FBXL13: variants seen among roughly 807,000 people sequenced by gnomAD.
FBXL13 encodes the protein F-box and leucine-rich repeat protein 13.
In FBXL13, 67 loss-of-function variants were observed where a neutral mutation model predicts 83.6. That is an observed-to-expected ratio of 0.80 (90% CI 0.66 to 0.98). The LOEUF (loss-of-function observed/expected upper bound fraction) is 0.98, where lower values mean the gene tolerates loss of function less well. FBXL13 is among the 50% of genes least tolerant of loss of function. The pLI is 0.00. For missense variants in FBXL13, 822 were observed against 866.5 expected (o/e 0.95, Z 0.64); for synonymous variants, 272 against 299.5 (o/e 0.91, Z 0.95).
At chr7:102,855,285 T>G (rs1246845585) in intron 16 of FBXL13, among the ~76,000 whole-genome samples, 1 of 152,228 alleles carries the variant, frequency 6.6e-6, no homozygotes, top group African/African-American at 2.4e-5. Context: ...CTTTAGCTCA[T>G]TTTATAATGA....
intron 11 of FBXL13, among the ~76,000 whole-genome samples, chr7:102,893,881 AAAAG>A (rs1260123205): frequency 1.3e-5 from 2 of 150,798 alleles, no homozygotes; most frequent in African/African-American, 2.4e-5. Flanking sequence ...GGAAGAAAGA[AAAAG>A]AAAGAGAGGA....
chr7:102,991,755 A>G (rs1298740200), intron 6 of FBXL13, among the ~76,000 whole-genome samples: 1 of 152,222 alleles, frequency 6.6e-6, no homozygotes, highest in Non-Finnish European at 1.5e-5. Context: ...GTAAACTGCT[A>G]AAATAAATTA....
intron 11 of FBXL13, among the ~76,000 whole-genome samples, chr7:102,891,150 G>A (rs1231799188): frequency 2.6e-5 from 4 of 152,142 alleles, no homozygotes; most frequent in African/African-American, 9.7e-5. Flanking sequence ...CAAATACCAT[G>A]TCCTCTATAG....
chr7:102,931,324 T>C (rs975873885), intron 9 of FBXL13, among the ~76,000 whole-genome samples: 5 of 151,942 alleles, frequency 3.3e-5, no homozygotes, highest in African/African-American at 1.2e-4. Flanking sequence ...CAAGGTAGAG[T>C]AATATTAAAG....
At chr7:102,934,302 A>C (rs1260531630) in intron 8 of FBXL13, 8 of 1,614,028 alleles carry the variant, frequency 5.0e-6, no homozygotes, top group Admixed American at 3.3e-5. Flanking sequence ...GGTTTAAACA[A>C]ACTCACCACC....
rs532732713 is a variant in FBXL13, at chr7:102,898,616, A to G, written c.1009-14304T>C. On this transcript the variant is annotated intron_variant, in intron 11 of 19. Coordinates refer to ENST00000313221, the Ensembl canonical transcript of FBXL13. ...ACTTTTCTGTATTATATTTTGGCCA[A>G]ACTTACCCCAAAAAAGTCATTAGGG... Among the ~76,000 whole-genome samples the G allele has an allele frequency of 5.9e-5, 9 of 152,106 alleles. No homozygotes were observed. The South Asian group carries it at 1.9e-3, about 32-fold the overall frequency.
chr7:102,818,204 C>A (rs1412340679), intron 19 of FBXL13, among the ~76,000 whole-genome samples: 1 of 152,200 alleles, frequency 6.6e-6, no homozygotes, highest in East Asian at 1.9e-4. Flanking sequence ...TTAGGCAAAA[C>A]AGAGCACGTG....
chr7:102,825,373 C>A (rs1799446063), intron 18 of FBXL13, among the ~76,000 whole-genome samples: 1 of 152,202 alleles, frequency 6.6e-6, no homozygotes, highest in South Asian at 2.1e-4. Flanking sequence ...AGCCTGTTAA[C>A]ATGCTCATCT....
intron 6 of FBXL13, among the ~76,000 whole-genome samples, chr7:103,015,898 A>C (rs1426611462): frequency 1.3e-5 from 2 of 152,152 alleles, no homozygotes; most frequent in Non-Finnish European, 2.9e-5. Context: ...CATTCACAAT[A>C]GCCACAAAAA....
chr7:102,972,302 T>G (rs1826787815), intron 6 of FBXL13, among the ~76,000 whole-genome samples: 1 of 151,774 alleles, frequency 6.6e-6, no homozygotes, highest in Non-Finnish European at 1.5e-5. Flanking sequence ...TAATCAAGAG[T>G]TAGTGTTCTA....
At chr7:103,052,459 A>T (rs1432835688) in intron 2 of FBXL13, among the ~76,000 whole-genome samples, 1 of 152,092 alleles carries the variant, frequency 6.6e-6, no homozygotes, top group Admixed American at 6.5e-5. Context: ...AAAAAAAAAA[A>T]TTTCATTTTT....
chr7:103,017,899 T>C lies in FBXL13; in HGVS notation c.495+7164A>G, dbSNP rs547691079. ...AGAAGAATCAAGTTGGAAAACACTC[T>C]TTGGGATATTATCCAGGAGAACTTC... On this transcript the variant is annotated intron_variant, in intron 6 of 19. Coordinates refer to ENST00000313221, the Ensembl canonical transcript of FBXL13. Among the ~76,000 whole-genome samples, 6 of 152,326 alleles carry C rather than the reference T, an allele frequency of 3.9e-5. No individual in the cohort carries two copies. The East Asian group carries it at 1.2e-3, about 29-fold the overall frequency.
At chr7:102,836,242 C>T (rs963974904) in intron 17 of FBXL13, among the ~76,000 whole-genome samples, 22 of 152,126 alleles carry the variant, frequency 1.4e-4, no homozygotes, top group African/African-American at 5.1e-4. Flanking sequence ...TTCATGGTAC[C>T]ATTCTCATCC....
At chr7:102,826,756 TATATATATATATATA>T (rs1399645394) in intron 18 of FBXL13, among the ~76,000 whole-genome samples, 1 of 117,544 alleles carries the variant, frequency 8.5e-6, no homozygotes, top group African/African-American at 3.3e-5. Context: ...TATATATATA[TATATATATATATATA>T]TGTATATATA....
chr7:102,871,924 C>T (rs1808584444), intron 16 of FBXL13, among the ~76,000 whole-genome samples: 1 of 152,050 alleles, frequency 6.6e-6, no homozygotes, highest in African/African-American at 2.4e-5. Context: ...CCCTCCCTGC[C>T]CCCAGTCCTT....
intron 2 of FBXL13, among the ~76,000 whole-genome samples, chr7:103,047,523 C>A (rs1796391811): frequency 6.6e-6 from 1 of 152,076 alleles, no homozygotes; most frequent in South Asian, 2.1e-4. Flanking sequence ...ACATGAAAAT[C>A]TTGGCAAAGT....
chr7:102,998,883 C>T (rs1198512690), intron 6 of FBXL13, among the ~76,000 whole-genome samples: 2 of 151,986 alleles, frequency 1.3e-5, no homozygotes, highest in African/African-American at 4.8e-5. Context: ...AATAATTTGA[C>T]TTCCTCCTTC....
intron 6 of FBXL13, among the ~76,000 whole-genome samples, chr7:103,015,207 C>G (rs937177873): frequency 6.6e-6 from 1 of 152,084 alleles, no homozygotes. Context: ...ATAATAAGAG[C>G]CATTTATGAA....
intron 16 of FBXL13, among the ~76,000 whole-genome samples, chr7:102,864,588 C>T (rs769934077): frequency 3.9e-5 from 6 of 152,050 alleles, no homozygotes; most frequent in Non-Finnish European, 7.4e-5. Context: ...AGGCTGGTCT[C>T]GAACTCCTGA....
Sources: allele counts gnomAD v4.1 joint callset (sites outside exome capture counted in the v4.1 genomes callset), GRCh38; gene constraint gnomAD v4.1.1; transcripts MANE v1.5; gene names NCBI Gene and HGNC (gene_info 2026-07-23, HGNC 2026-07-21).